ANKRD55: variants seen among roughly 807,000 people sequenced by gnomAD.
ANKRD55 encodes the protein ankyrin repeat domain 55.
A neutral mutation model predicts 60.6 loss-of-function variants in ANKRD55; 41 were observed. That is an observed-to-expected ratio of 0.68 (90% CI 0.53 to 0.88). The LOEUF is 0.88. Ranked by LOEUF, ANKRD55 falls within the 40% of genes least tolerant of loss-of-function variation. The pLI, the probability that ANKRD55 is intolerant of heterozygous loss-of-function variation, is 0.00. For synonymous variants in ANKRD55, 264 were observed against 290.3 expected, an observed-to-expected ratio of 0.91 and a Z score of 0.92; for missense variants, 732 against 767.6, an observed-to-expected ratio of 0.95 and a Z score of 0.55.
At chr5:56,155,155 G>A (rs1223328175) in intron 6 of ANKRD55, among the ~76,000 whole-genome samples, 2 of 151,354 alleles carry the variant, frequency 1.3e-5, no homozygotes, top group East Asian at 2.0e-4. Context: ...GGCTGAGGCA[G>A]TAGGCTGCAG....
intron 4 of ANKRD55, among the ~76,000 whole-genome samples, chr5:56,175,127 A>G (rs555023346): frequency 1.3e-5 from 2 of 152,366 alleles, no homozygotes; most frequent in African/African-American, 4.8e-5. Flanking sequence ...AGAGAGCACA[A>G]ATAGAAAATG....
rs575521034 is a variant in ANKRD55, at chr5:56,119,819, A to G, written c.798-3037T>C. Among the ~76,000 whole-genome samples, 244 of 152,110 alleles carry G rather than the reference A, an allele frequency of 1.6e-3. 2 individuals carry two copies. Among genetic ancestry groups the G allele is most frequent in the Admixed American group, 2.9e-3 (44 of 15,264 alleles). ...GTAGTCCTCGCTTCTCAGGAGGTTG[A>G]GGTGGGAGGATTGATTGAGCCTAGA... On this transcript the variant is annotated intron_variant, in intron 8 of 11. Coordinates refer to ENST00000341048, the MANE Select transcript of ANKRD55 (RefSeq NM_024669.3).
chr5:56,141,835 C>A (rs1348052952), intron 7 of ANKRD55, among the ~76,000 whole-genome samples: 2 of 152,212 alleles, frequency 1.3e-5, no homozygotes, highest in Non-Finnish European at 2.9e-5. Flanking sequence ...CGTCCAATTA[C>A]ATAGTACGTT....
At chr5:56,147,945 T>C (rs1471581958) in intron 6 of ANKRD55, among the ~76,000 whole-genome samples, 1 of 152,222 alleles carries the variant, frequency 6.6e-6, no homozygotes, top group Non-Finnish European at 1.5e-5. Context: ...TATGTTAAAA[T>C]TCTGGTGACC....
intron 2 of ANKRD55, among the ~76,000 whole-genome samples, chr5:56,185,082 G>T (rs1314275240): frequency 2.0e-5 from 3 of 152,042 alleles, no homozygotes; most frequent in Admixed American, 1.3e-4. Flanking sequence ...AATAAGCCAG[G>T]TGTGGTGGCA....
At chr5:56,206,815 CA>C (rs1233857059) in intron 2 of ANKRD55, among the ~76,000 whole-genome samples, 21 of 152,128 alleles carry the variant, frequency 1.4e-4, no homozygotes, top group Non-Finnish European at 3.1e-4. Flanking sequence ...GCTGCAAGGC[CA>C]GAAAACAAAG....
At chr5:56,102,801 TG>T (rs1436463797) in intron 10 of ANKRD55, among the ~76,000 whole-genome samples, 1 of 152,152 alleles carries the variant, frequency 6.6e-6, no homozygotes, top group African/African-American at 2.4e-5. Context: ...AATCATTTCT[TG>T]AGAGTACTAG....
intron 2 of ANKRD55, among the ~76,000 whole-genome samples, chr5:56,220,573 G>A (rs540959913): frequency 7.2e-5 from 11 of 152,212 alleles, no homozygotes; most frequent in Non-Finnish European, 1.6e-4. Flanking sequence ...CCAGCACTTT[G>A]GGAGGCCGAG....
At chr5:56,208,054 A>G (rs1282736175) in intron 2 of ANKRD55, among the ~76,000 whole-genome samples, 1 of 152,032 alleles carries the variant, frequency 6.6e-6, no homozygotes, top group Non-Finnish European at 1.5e-5. Flanking sequence ...AAAATGATTT[A>G]TTTATTTTCA....
Position 56,111,841 on chromosome 5 carries a change from C to G in ANKRD55, c.966-59G>C, listed in dbSNP as rs1001241. ...GAGTATGGGAAGTAGAGACATCACT[C>G]ACCGAAATACCGACCCCCTATTCCA... On this transcript the variant is annotated intron_variant, in intron 9 of 11. Transcript: ENST00000341048. The G allele has an allele frequency of 7.8e-3, 10,848 of 1,393,048 alleles. 730 individuals are homozygous for G. In the African/African-American group the frequency reaches 0.14, roughly 18 times the overall value. 86.3% of individuals were successfully genotyped at this position (1,393,048 alleles called of 1,614,324 possible).
At chr5:56,176,784 T>A (rs1758746623) in intron 3 of ANKRD55, among the ~76,000 whole-genome samples, 1 of 152,220 alleles carries the variant, frequency 6.6e-6, no homozygotes, top group Admixed American at 6.5e-5. Flanking sequence ...TCAGAATCAA[T>A]ATAGGTCAAG....
chr5:56,162,084 G>A (rs569640197), intron 5 of ANKRD55: 5 of 978,798 alleles, frequency 5.1e-6, no homozygotes, highest in Non-Finnish European at 2.4e-6. Context: ...GGGACTGGGG[G>A]AGGAGGGAAG....
chr5:56,206,390 G>A (rs751172186), intron 2 of ANKRD55, among the ~76,000 whole-genome samples: 9 of 152,180 alleles, frequency 5.9e-5, no homozygotes, highest in Non-Finnish European at 1.2e-4. Context: ...GTTCCCGAAT[G>A]ACTGGATTAC....
chr5:56,222,379 A>G (rs1725091098), intron 2 of ANKRD55, among the ~76,000 whole-genome samples: 1 of 152,174 alleles, frequency 6.6e-6, no homozygotes, highest in Admixed American at 6.5e-5. Flanking sequence ...GGTAGATAAA[A>G]CCACAAAGAT....
chr5:56,135,871 A>T (rs1580970450), intron 7 of ANKRD55, among the ~76,000 whole-genome samples: 1 of 152,354 alleles, frequency 6.6e-6, no homozygotes, highest in Non-Finnish European at 1.5e-5. Flanking sequence ...TTCAGGATAC[A>T]GGCTAATATA....
intron 6 of ANKRD55, among the ~76,000 whole-genome samples, chr5:56,159,571 A>G (rs893094901): frequency 2.6e-5 from 4 of 152,234 alleles, no homozygotes; most frequent in African/African-American, 4.8e-5. Flanking sequence ...GAGGGAAGTT[A>G]CAAAATTTCA....
At chr5:56,153,412 T>C (rs1195301121) in intron 6 of ANKRD55, among the ~76,000 whole-genome samples, 1 of 152,192 alleles carries the variant, frequency 6.6e-6, no homozygotes, top group Non-Finnish European at 1.5e-5. Flanking sequence ...CAAAGAGGCT[T>C]GTACAAGAAA....
rs561350940 is a variant in ANKRD55 at position 56,220,201 on chromosome 5, G to T, written c.58+12655C>A. Among the ~76,000 whole-genome samples the T allele has an allele frequency of 9.5e-4, 144 of 152,368 alleles. 3 individuals are homozygous for T. In the South Asian group the frequency reaches 0.028, roughly 30 times the overall value. ...TCTGGCAAGAGGCCCCCTCCCCCAG[G>T]ACAGTTGGGTGGTCCTGTGGTGAAG... On this transcript the variant is annotated intron_variant, in intron 2 of 11. Coordinates refer to ENST00000341048, the MANE Select transcript of ANKRD55 (RefSeq NM_024669.3).
rs146308532 is a variant in ANKRD55 at position 56,146,085 on chromosome 5, C to T, written c.484-2156G>A. On this transcript the variant is annotated intron_variant, in intron 6 of 11. Transcript: ENST00000341048. ...TCCCAGTTCTTAGTCCCATTTGCTT[C>T]ATTGCAAATGAAGTGATGAAATGAA... is the stretch of plus-strand genomic sequence containing the variant. 2.0e-3 allele frequency among the ~76,000 whole-genome samples: 309 copies of T among 152,224 alleles called. 1 individual carries two copies. Among genetic ancestry groups the T allele is most frequent in the African/African-American group, 7.2e-3 (298 of 41,546 alleles).
Sources: allele counts gnomAD v4.1 joint callset (sites outside exome capture counted in the v4.1 genomes callset), GRCh38; gene constraint gnomAD v4.1.1; transcripts MANE v1.5; gene names NCBI Gene and HGNC (gene_info 2026-07-23, HGNC 2026-07-21).